The following SPTBN4 variants were observed in gnomAD, a reference collection of about 807,000 sequenced individuals.
SPTBN4 encodes spectrin beta chain, non-erythrocytic 4.
In SPTBN4, 96 loss-of-function variants were observed where a neutral mutation model predicts 277.8. The observed-to-expected ratio is 0.35, with a 90% CI of 0.29 to 0.41. The LOEUF is 0.41. Ranked by LOEUF, SPTBN4 falls within the 10% of genes least tolerant of loss-of-function variation. The pLI is 1.00. For synonymous variants in SPTBN4, 1,481 were observed against 1,580.3 expected, an observed-to-expected ratio of 0.94 and a Z score of 1.49; for missense variants, 3,006 against 3,595.7, an observed-to-expected ratio of 0.84 and a Z score of 4.19.
chr19:40,513,560 C>A lies in SPTBN4; in HGVS notation c.2765+6C>A, dbSNP rs1371661290. 6.4e-7 allele frequency: 1 copy of A among 1,551,482 alleles called. No homozygotes were observed. Among genetic ancestry groups the A allele is most frequent in the Admixed American group, 1.8e-5 (1 of 55,348 alleles). Reference sequence around the variant, plus strand: ...GTCGAGGTGGTGCAGCACCGGTGAGCGCGCACATGTGGGACTCCGGGGTCC... The same window carrying A: ...GTCGAGGTGGTGCAGCACCGGTGAGAGCGCACATGTGGGACTCCGGGGTCC... On this transcript the variant is annotated splice_donor_region_variant and intron_variant, in intron 14 of 35. Coordinates refer to ENST00000598249, the MANE Select transcript of SPTBN4 (RefSeq NM_020971.3).
chr19:40,506,743 C>T (rs912057374), intron 13 of SPTBN4, among the ~76,000 whole-genome samples: 1 of 152,028 alleles, frequency 6.6e-6, no homozygotes, highest in East Asian at 1.9e-4. Flanking sequence ...TTTTGGAGGC[C>T]GAGGCAGGAG....
intron 17 of SPTBN4, among the ~76,000 whole-genome samples, chr19:40,525,069 A>T (rs1410421870): frequency 6.6e-6 from 1 of 151,674 alleles, no homozygotes; most frequent in Non-Finnish European, 1.5e-5. Context: ...CCAGAAGGGG[A>T]CCCAGTACCC....
Position 40,569,708 on chromosome 19 carries a change from C to T in SPTBN4, c.7008C>T (p.Gly2336=), listed in dbSNP as rs1389296806. Residue 2336 remains glycine, a synonymous_variant, in exon 32 of 36, where the codon GGC becomes GGT. Transcript: ENST00000598249. ...AACAGCTGCAGGAGAAAGAGGCAGG[C>T]CCAGGGCTGCCTGCTGGGGTAAGTT... ...IVEQLQEKEA[G]PGLPAGPSLP... 3 of 1,611,984 alleles carry T rather than the reference C, an allele frequency of 1.9e-6. No individual in the cohort carries two copies. The highest frequency in any genetic ancestry group is 1.1e-5 in the South Asian group (1 of 90,880).
At chr19:40,513,643 G>C (rs2080421430) in intron 14 of SPTBN4, 89 bp downstream of exon 14, 6 of 1,321,264 alleles carry the variant, frequency 4.5e-6, no homozygotes. Context: ...TGTTTGCTCA[G>C]CTGGAACTAG....
At chr19:40,567,342 T>G (rs1599820595) in intron 30 of SPTBN4, among the ~76,000 whole-genome samples, 2 of 144,164 alleles carry the variant, frequency 1.4e-5, no homozygotes, top group Non-Finnish European at 3.1e-5. Context: ...AATAAATAAA[T>G]AAAGTCTTAA....
chr19:40,470,986 G>A (rs1476254572), intron 1 of SPTBN4, among the ~76,000 whole-genome samples: 1 of 148,088 alleles, frequency 6.8e-6, no homozygotes, highest in Admixed American at 6.8e-5. Flanking sequence ...GTCTTGCTCT[G>A]TCTCCCAGGC....
chr19:40,561,949 T>C (rs2081046832), intron 27 of SPTBN4, among the ~76,000 whole-genome samples: 1 of 151,562 alleles, frequency 6.6e-6, no homozygotes. Flanking sequence ...CTGAATGAAG[T>C]GATGGGTGAG....
At position 40,519,944 on chromosome 19, in the gene SPTBN4, C is replaced by T. The variant is rs749563158; in HGVS notation, c.3447C>T (p.Ile1149=). 1 of 1,547,808 alleles carries T rather than the reference C, an allele frequency of 6.5e-7. No individual in the cohort carries two copies. The highest frequency in any genetic ancestry group is 1.2e-5 in the South Asian group (1 of 83,302). The stretch of plus-strand genomic sequence containing the variant: ...AGCGCGAGGAAGACTATGCTCGCAT[C>T]GTGGCGGCCAGCGAGGCGCTGCTGG... ...VDQREEDYAR[I]VAASEALLAA... The change falls in exon 16 of 36, where the codon ATC becomes ATT. Residue 1149 remains isoleucine (I), a synonymous_variant. Coordinates refer to ENST00000598249, the MANE Select transcript of SPTBN4 (RefSeq NM_020971.3). This position sits in a 1 kb window ranked among gnomAD's most constrained non-coding sequence, Gnocchi z 5.7.
chr19:40,527,261 A>G (rs2080603691), intron 17 of SPTBN4, among the ~76,000 whole-genome samples: 1 of 151,902 alleles, frequency 6.6e-6, no homozygotes, highest in Non-Finnish European at 1.5e-5. Context: ...TCTGTCTTTC[A>G]CAGATACTGT....
Position 40,575,684 on chromosome 19 carries a change from G to A in SPTBN4, c.*115G>A. 2.3e-6 allele frequency: 3 copies of A among 1,305,342 alleles called. No individual in the cohort carries two copies. The highest frequency in any genetic ancestry group is 2.7e-4 in the Middle Eastern group (1 of 3,664). The allele number at this position is 1,305,342 out of a possible 1,614,324, so 80.9% of individuals were successfully genotyped here. Reference sequence around the variant, plus strand: ...CCCCTAGTTCCAACACTGAGGACGCGTGACATGGTGGGCACCGGAAAGGAG... The same window carrying A: ...CCCCTAGTTCCAACACTGAGGACGCATGACATGGTGGGCACCGGAAAGGAG... On this transcript the variant is annotated 3_prime_UTR_variant, in exon 36 of 36. Coordinates refer to ENST00000598249, the MANE Select transcript of SPTBN4 (RefSeq NM_020971.3).
chr19:40,491,615 G>A (rs1217406835), intron 4 of SPTBN4, among the ~76,000 whole-genome samples: 1 of 147,356 alleles, frequency 6.8e-6, no homozygotes, highest in East Asian at 2.0e-4. Flanking sequence ...CATGGTGCAC[G>A]CCTGTAATCC....
chr19:40,479,531 T>C (rs2079985664), intron 2 of SPTBN4, among the ~76,000 whole-genome samples: 1 of 151,866 alleles, frequency 6.6e-6, no homozygotes, highest in Admixed American at 6.6e-5. Flanking sequence ...GGTCTTGAAC[T>C]CCTGGGCCCA....
In SPTBN4 at chr19:40,519,354, A is replaced by T; in HGVS notation, c.2904-47A>T. The stretch of plus-strand genomic sequence containing the variant: ...CTGGGTCGGCGGGCCCTCCGCGCCC[A>T]AGAGGAGTCCCTGTCCTCCTCAAGT... On this transcript the variant is annotated intron_variant, in intron 15 of 35. Transcript: ENST00000598249. This position sits in a 1 kb window ranked among gnomAD's most constrained non-coding sequence, Gnocchi z 5.7. 4 of 1,436,878 alleles carry T rather than the reference A, an allele frequency of 2.8e-6. No homozygotes were observed. Among genetic ancestry groups the T allele is most frequent in the Non-Finnish European group, 3.7e-6 (4 of 1,095,472 alleles). The allele number at this position is 1,436,878 out of a possible 1,614,324, so 89.0% of individuals were successfully genotyped here.
rs145688199 is a variant in SPTBN4 at position 40,511,620 on chromosome 19, G to A, written c.1817-986G>A. ...CTATTTAAGGAAAAAGAGGGAGTTC[G>A]GGGTTAAGCACAGTGGCTCATGCCT... On this transcript the variant is annotated intron_variant, in intron 13 of 35. Coordinates refer to ENST00000598249, the MANE Select transcript of SPTBN4 (RefSeq NM_020971.3). 2.1e-3 allele frequency among the ~76,000 whole-genome samples: 315 copies of A among 152,266 alleles called. 1 individual carries two copies. The highest frequency in any genetic ancestry group is 7.1e-3 in the African/African-American group (295 of 41,544).
Position 40,557,321 on chromosome 19 carries a change from C to A in SPTBN4, c.5588C>A (p.Pro1863Gln), listed in dbSNP as rs140466069. The A allele has an allele frequency of 6.2e-7, 1 of 1,613,170 alleles. No homozygotes were observed. Among genetic ancestry groups the A allele is most frequent in the Non-Finnish European group, 8.5e-7 (1 of 1,179,718 alleles). The change falls in exon 26 of 36, where the codon CCG becomes CAG. Residue 1863 changes from proline to glutamine, a missense_variant. This residue lies in a region of SPTBN4 where 425 missense variants were observed against 594.7 expected (regional missense o/e 0.71). Transcript: ENST00000598249. ...AGGCGGCTGCCCCGCCTGACCACCC[C>A]GCCTGAGCCGAGACCCAGTGCCAGT... ...KRRRLPRLTT[P>Q]PEPRPSASSM...
Position 40,502,539 on chromosome 19 carries a change from T to C in SPTBN4, c.1203+32T>C. 1 of 1,580,256 alleles carries C rather than the reference T, an allele frequency of 6.3e-7. No individual in the cohort carries two copies. The highest frequency in any genetic ancestry group is 8.6e-7 in the Non-Finnish European group (1 of 1,164,588). On this transcript the variant is annotated intron_variant, in intron 10 of 35. Transcript: ENST00000598249. The surrounding 1 kb of genome is among the most constrained non-coding windows in gnomAD (Gnocchi z 4.9). ...CCGGGGATGCAGGGGAGAGGCGGGG[T>C]TGCACTGTGGAGTTGTATAGGTTGC... is the stretch of plus-strand genomic sequence containing the variant.
At chr19:40,536,619 G>A (rs533897621) in intron 20 of SPTBN4, among the ~76,000 whole-genome samples, 1 of 152,268 alleles carries the variant, frequency 6.6e-6, no homozygotes, top group African/African-American at 2.4e-5. Flanking sequence ...AGCTTTGTCT[G>A]TGTGGGTTAG....
In SPTBN4 at chr19:40,494,933, C is replaced by T. The variant is rs767990854; in HGVS notation, c.624C>T (p.Ser208=). The change falls in exon 6 of 36, where the codon AGC becomes AGT. Residue 208 remains serine, a synonymous_variant. Coordinates refer to ENST00000598249, the MANE Select transcript of SPTBN4 (RefSeq NM_020971.3). ...PEVNIQNFTT[S]WRDGLAFNAL... is the part of the protein sequence containing the mutation. ...TAAACATCCAGAATTTCACCACCAG[C>T]TGGCGGGATGGCTTGGCCTTCAATG... 1 of 1,614,178 alleles carries T rather than the reference C, an allele frequency of 6.2e-7. No individual in the cohort carries two copies. The highest frequency in any genetic ancestry group is 1.1e-5 in the South Asian group (1 of 91,084).
chr19:40,490,317 C>A lies in SPTBN4; in HGVS notation c.495+69C>A. ...TAGGAAAGCGTTCCCCACCATTTACCCATTCATTCTTTCCTTCCAATAATA... is the reference window on the plus strand; with the variant it reads ...TAGGAAAGCGTTCCCCACCATTTACACATTCATTCTTTCCTTCCAATAATA... On this transcript the variant is annotated intron_variant, in intron 4 of 35. Coordinates refer to ENST00000598249, the MANE Select transcript of SPTBN4 (RefSeq NM_020971.3). The surrounding 1 kb of genome is among the most constrained non-coding windows in gnomAD (Gnocchi z 4.3). 1 of 1,517,818 alleles carries A rather than the reference C, an allele frequency of 6.6e-7. No homozygotes were observed. Among genetic ancestry groups the A allele is most frequent in the Non-Finnish European group, 8.9e-7 (1 of 1,125,108 alleles). 94.0% of individuals were successfully genotyped at this position (1,517,818 alleles called of 1,614,324 possible).
Sources: allele counts gnomAD v4.1 joint callset (sites outside exome capture counted in the v4.1 genomes callset), GRCh38; gene constraint gnomAD v4.1.1; regional missense constraint gnomAD v4.1.1; non-coding constraint Gnocchi (gnomAD v3.1); transcripts MANE v1.5; gene names NCBI Gene and HGNC (gene_info 2026-07-23, HGNC 2026-07-21).